Variants in SLC25A26 observed in about 807,000 individuals in gnomAD.
The protein encoded by SLC25A26 is solute carrier family 25 member 26, also known as mitochondrial S-adenosylmethionine carrier protein.
Under a neutral mutation model 37.8 loss-of-function variants are expected in SLC25A26, and 36 were observed. The observed-to-expected ratio is 0.95, with a 90% confidence interval of 0.73 to 1.26. The LOEUF is 1.26. Among genes scored for constraint, SLC25A26 ranks in the 50% most tolerant of loss-of-function variants. SLC25A26 has a pLI of 0.00. For synonymous variants in SLC25A26, 129 were observed against 122.5 expected (o/e 1.05, Z -0.35); for missense variants, 390 against 331.1 (o/e 1.18, Z -1.38).
intron 1 of SLC25A26, among the ~76,000 whole-genome samples, chr3:66,176,231 A>C (rs1209818962): frequency 6.6e-6 from 1 of 152,212 alleles, no homozygotes; most frequent in African/African-American, 2.4e-5. Context: ...AATTGTTTTG[A>C]AAAGCCATCT....
chr3:66,280,345 A>G (rs988535195), intron 5 of SLC25A26, among the ~76,000 whole-genome samples: 9 of 152,172 alleles, frequency 5.9e-5, no homozygotes, highest in East Asian at 1.9e-4. Flanking sequence ...GTAATTCTCA[A>G]TCATTATTGC....
chr3:66,282,797 C>A (rs1222038019), intron 5 of SLC25A26, among the ~76,000 whole-genome samples: 2 of 152,166 alleles, frequency 1.3e-5, no homozygotes, highest in African/African-American at 4.8e-5. Context: ...AATCAAGATA[C>A]AGAACATTTC....
intron 1 of SLC25A26, among the ~76,000 whole-genome samples, chr3:66,152,048 G>A (rs957097396): frequency 2.6e-5 from 4 of 152,168 alleles, no homozygotes; most frequent in African/African-American, 9.7e-5. Context: ...AGCCAATAAC[G>A]ATGTCCAGCT....
chr3:66,145,888 GA>G (rs1215788673), intron 1 of SLC25A26, among the ~76,000 whole-genome samples: 1 of 135,002 alleles, frequency 7.4e-6, no homozygotes, highest in African/African-American at 2.9e-5. Context: ...TAATTGTTTT[GA>G]AAAAAAGCAA....
chr3:66,244,540 T>C (rs543943616), intron 3 of SLC25A26, among the ~76,000 whole-genome samples: 1 of 152,312 alleles, frequency 6.6e-6, no homozygotes, highest in African/African-American at 2.4e-5. Flanking sequence ...TGGAACTTAA[T>C]AACAATAGCC....
intron 5 of SLC25A26, among the ~76,000 whole-genome samples, chr3:66,321,507 T>C (rs895348866): frequency 2.0e-5 from 3 of 152,194 alleles, no homozygotes; most frequent in African/African-American, 7.2e-5. Flanking sequence ...GTATCTCTTT[T>C]ACTTCTTTAT....
At chr3:66,313,769 A>G (rs551152659) in intron 5 of SLC25A26, among the ~76,000 whole-genome samples, 19 of 152,208 alleles carry the variant, frequency 1.2e-4, no homozygotes, top group African/African-American at 4.6e-4. Flanking sequence ...ATGTTTATCC[A>G]TTTGTTTGTG....
Position 66,377,950 on chromosome 3 carries a change from C to T in SLC25A26, c.*143C>T, listed in dbSNP as rs549156156. 10 of 658,346 alleles carry T rather than the reference C, an allele frequency of 1.5e-5. No homozygotes were observed. Among genetic ancestry groups the T allele is most frequent in the South Asian group, 1.1e-4 (6 of 52,230 alleles). 40.8% of individuals were successfully genotyped at this position (658,346 alleles called of 1,614,324 possible). ...ATACCGGCATGGAGATTGTGCCATC[C>T]GTGGTATAGGCTGGCTGGTATGAAG... is the stretch of plus-strand genomic sequence containing the variant. On this transcript the variant is annotated 3_prime_UTR_variant, in exon 10 of 10. Coordinates refer to ENST00000354883, the MANE Select transcript of SLC25A26 (RefSeq NM_001379210.1).
upstream of SLC25A26, among the ~76,000 whole-genome samples, chr3:66,220,417 CAT>C (rs571665045): frequency 2.7e-4 from 41 of 152,220 alleles, no homozygotes; most frequent in Non-Finnish European, 5.6e-4. Flanking sequence ...GAGGTGTACA[CAT>C]GAGTACAACA....
chr3:66,281,100 G>C (rs760469379), intron 5 of SLC25A26, among the ~76,000 whole-genome samples: 20 of 152,150 alleles, frequency 1.3e-4, no homozygotes, highest in Non-Finnish European at 2.2e-4. Flanking sequence ...CTTTTGTAGA[G>C]TCCGAGATAT....
intron 5 of SLC25A26, among the ~76,000 whole-genome samples, chr3:66,339,976 G>A (rs189097298): frequency 6.6e-6 from 1 of 152,088 alleles, no homozygotes; most frequent in Admixed American, 6.5e-5. Flanking sequence ...TCTTCTAGGG[G>A]TTTTGTGGTT....
intron 1 of SLC25A26, among the ~76,000 whole-genome samples, chr3:66,150,122 A>G (rs1388944625): frequency 6.6e-6 from 1 of 152,178 alleles, no homozygotes; most frequent in African/African-American, 2.4e-5. Context: ...CTCCCAAACC[A>G]GAAGATCTAA....
chr3:66,241,202 C>T (rs782425925), intron 2 of SLC25A26, among the ~76,000 whole-genome samples: 3 of 152,052 alleles, frequency 2.0e-5, no homozygotes, highest in Non-Finnish European at 4.4e-5. Context: ...CAAGGATCAC[C>T]TGTACTGCTG....
At chr3:66,361,607 C>G (rs1470515171) in intron 6 of SLC25A26, among the ~76,000 whole-genome samples, 1 of 152,192 alleles carries the variant, frequency 6.6e-6, no homozygotes, top group Non-Finnish European at 1.5e-5. Context: ...TCACCAAAGA[C>G]AGTATGTTGT....
chr3:66,245,250 T>TAAAA (rs60891030), intron 3 of SLC25A26, among the ~76,000 whole-genome samples: 9 of 135,822 alleles, frequency 6.6e-5, no homozygotes, highest in Non-Finnish European at 9.4e-5. Context: ...CAGTTATGAT[T>TAAAA]AAAAAAAAAA....
chr3:66,148,630 A>G (rs1033949559), intron 1 of SLC25A26, among the ~76,000 whole-genome samples: 2 of 152,274 alleles, frequency 1.3e-5, no homozygotes. Flanking sequence ...CACATTGTGA[A>G]GATACATTCT....
At chr3:66,368,153 A>G (rs2076866169) in intron 7 of SLC25A26, among the ~76,000 whole-genome samples, 1 of 152,212 alleles carries the variant, frequency 6.6e-6, no homozygotes, top group Non-Finnish European at 1.5e-5. Flanking sequence ...CTTGTCCACA[A>G]GCCACAAAAG....
chr3:66,168,177 G>GTATATATACATGTATATATA (rs1440481174), intron 1 of SLC25A26, among the ~76,000 whole-genome samples: 1 of 79,360 alleles, frequency 1.3e-5, no homozygotes, highest in African/African-American at 5.1e-5. Flanking sequence ...ATATATATAT[G>GTATATATACATGTATATATA]TGTGTGTGTA....
chr3:66,278,242 A>C (rs2074222261), intron 5 of SLC25A26, among the ~76,000 whole-genome samples: 1 of 152,146 alleles, frequency 6.6e-6, no homozygotes, highest in Admixed American at 6.5e-5. Flanking sequence ...CATTGTATGA[A>C]GTACTTGTTT....
Sources: allele counts gnomAD v4.1 joint callset (sites outside exome capture counted in the v4.1 genomes callset), GRCh38; gene constraint gnomAD v4.1.1; transcripts MANE v1.5; gene names NCBI Gene and HGNC (gene_info 2026-07-23, HGNC 2026-07-21).